HESX1: variants seen among roughly 807,000 people sequenced by gnomAD.
HESX1 encodes homeobox expressed in ES cells 1.
HESX1 carries 11 observed loss-of-function variants against 22.5 expected under a neutral mutation model. The observed-to-expected ratio is 0.49, with a 90% CI of 0.31 to 0.81. The LOEUF (loss-of-function observed/expected upper bound fraction) is 0.81. Among genes scored for constraint, HESX1 ranks in the 30% least tolerant of loss-of-function variants. The pLI is 0.05. For missense variants in HESX1, 201 were observed against 212.6 expected (o/e 0.95, Z 0.34); for synonymous variants, 74 against 76.5 (o/e 0.97, Z 0.17).
At chr3:57,206,049 G>T (rs2060517981) in intron 1 of HESX1, among the ~76,000 whole-genome samples, 1 of 152,138 alleles carries the variant, frequency 6.6e-6, no homozygotes, top group Admixed American at 6.5e-5. Context: ...AAATTAGCTG[G>T]GTGTGGTGGC....
intron 1 of HESX1, among the ~76,000 whole-genome samples, chr3:57,207,341 T>G (rs936141706): frequency 6.6e-6 from 1 of 152,180 alleles, no homozygotes; most frequent in East Asian, 1.9e-4. Context: ...CTCTGAGATG[T>G]GAGTAGAAAC....
chr3:57,210,177 A>C (rs1029507371), intron 1 of HESX1, among the ~76,000 whole-genome samples: 2 of 152,242 alleles, frequency 1.3e-5, no homozygotes, highest in East Asian at 1.9e-4. Context: ...ATGAGAAAGA[A>C]AAGTCTGACA....
At chr3:57,201,875 A>ATCTATCTATC (rs796249286), upstream of HESX1, among the ~76,000 whole-genome samples, 73 of 131,928 alleles carry the variant, frequency 5.5e-4, no homozygotes, top group East Asian at 1.7e-3. Context: ...CTATCTATCT[A>ATCTATCTATC]TATCTATCTA....
chr3:57,210,406 G>C (rs879717067), intron 1 of HESX1, among the ~76,000 whole-genome samples: 1 of 152,078 alleles, frequency 6.6e-6, no homozygotes, highest in Admixed American at 6.6e-5. Context: ...CTAGGTCTGA[G>C]GTGTTTTGGC....
At chr3:57,214,690 A>G (rs1268180856) in intron 1 of HESX1, among the ~76,000 whole-genome samples, 1 of 152,220 alleles carries the variant, frequency 6.6e-6, no homozygotes, top group Non-Finnish European at 1.5e-5. Context: ...GCTGTTATCA[A>G]TGTTATTATA....
At chr3:57,219,468 C>T (rs569589034) in intron 1 of HESX1, among the ~76,000 whole-genome samples, 4 of 151,950 alleles carry the variant, frequency 2.6e-5, no homozygotes, top group South Asian at 2.1e-4. Flanking sequence ...CCCAGATTCA[C>T]GCCATTCTCC....
intron 1 of HESX1, among the ~76,000 whole-genome samples, chr3:57,220,005 T>C (rs898760255): frequency 1.3e-5 from 2 of 152,248 alleles, no homozygotes; most frequent in Non-Finnish European, 2.9e-5. Flanking sequence ...CCATCTTTAA[T>C]TGATTTTTGT....
At chr3:57,208,248 A>C (rs1462558438) in intron 1 of HESX1, among the ~76,000 whole-genome samples, 1 of 152,202 alleles carries the variant, frequency 6.6e-6, no homozygotes, top group Admixed American at 6.5e-5. Context: ...TTTGTTCACT[A>C]TATGCAAAAT....
chr3:57,202,684 A>G (rs1443372844), upstream of HESX1, among the ~76,000 whole-genome samples: 1 of 152,224 alleles, frequency 6.6e-6, no homozygotes, highest in African/African-American at 2.4e-5. Context: ...AGACATTATT[A>G]TAGGTGCTAG....
At chr3:57,208,310 TAA>T (rs2107574770) in intron 1 of HESX1, among the ~76,000 whole-genome samples, 1 of 152,050 alleles carries the variant, frequency 6.6e-6, no homozygotes, top group East Asian at 2.0e-4. Context: ...TTATGTATGC[TAA>T]AGAGTTTAAG....
chr3:57,201,957 C>T (rs1178792951), upstream of HESX1, among the ~76,000 whole-genome samples: 7 of 151,944 alleles, frequency 4.6e-5, no homozygotes, highest in Admixed American at 2.0e-4. Flanking sequence ...CTTGCTCTGT[C>T]GCCCAGGCTG....
upstream of HESX1, among the ~76,000 whole-genome samples, chr3:57,204,116 C>A (rs1446453047): frequency 1.3e-5 from 2 of 152,224 alleles, no homozygotes; most frequent in Admixed American, 6.5e-5. Flanking sequence ...CAAATACCAA[C>A]TGACCTGCAG....
At chr3:57,202,739 T>C (rs1452146687), upstream of HESX1, among the ~76,000 whole-genome samples, 1 of 152,110 alleles carries the variant, frequency 6.6e-6, no homozygotes, top group Non-Finnish European at 1.5e-5. Flanking sequence ...GCATGATAAA[T>C]ACATTGAAAG....
upstream of HESX1, among the ~76,000 whole-genome samples, chr3:57,203,158 G>T (rs1359467311): frequency 6.6e-6 from 1 of 152,184 alleles, no homozygotes; most frequent in African/African-American, 2.4e-5. Flanking sequence ...TGTGGAAAGG[G>T]ATTAGAGAGA....
chr3:57,205,788 A>G (rs1465996045), intron 1 of HESX1, among the ~76,000 whole-genome samples: 4 of 151,974 alleles, frequency 2.6e-5, no homozygotes, highest in African/African-American at 9.7e-5. Context: ...TTTCTATTCC[A>G]CAGCACTTAA....
upstream of HESX1, among the ~76,000 whole-genome samples, chr3:57,226,798 A>G (rs1579372802): frequency 6.6e-6 from 1 of 152,342 alleles, no homozygotes; most frequent in East Asian, 1.9e-4. Flanking sequence ...TTTAGAAGAC[A>G]CTACTTACTT....
upstream of HESX1, among the ~76,000 whole-genome samples, chr3:57,200,230 A>G (rs1319073768): frequency 1.3e-5 from 2 of 152,260 alleles, no homozygotes; most frequent in East Asian, 3.8e-4. Flanking sequence ...AACTTTCTCT[A>G]AAGAAGTGAT....
chr3:57,218,513 A>T lies in HESX1; in HGVS notation c.-111+7783T>A, dbSNP rs181217988. Among the ~76,000 whole-genome samples, 490 of 141,010 alleles carry T rather than the reference A, an allele frequency of 3.5e-3. 2 individuals are homozygous for T. The highest frequency in any genetic ancestry group is 3.4e-3 in the Admixed American group (43 of 12,580). 92.5% of individuals were successfully genotyped at this position (141,010 alleles called of 152,430 possible). On this transcript the variant is annotated intron_variant, in intron 1 of 2. Coordinates refer to the HESX1 transcript ENST00000495160. ...GGCTGGAGTGCAGTAGCGTGACCTC[A>T]GCTCACTGCAACCTCTGCCTCCCGG...
chr3:57,221,841 G>A (rs9854291), intron 1 of HESX1, among the ~76,000 whole-genome samples: 10,739 of 152,120 alleles, frequency 0.071, 1,270 homozygotes, highest in African/African-American at 0.24. Flanking sequence ...TCCTGATCTC[G>A]TGATCCACCC....
Sources: gnomAD v4.1 joint callset for allele counts (sites outside exome capture counted in the v4.1 genomes callset) on GRCh38, gnomAD v4.1.1 for gene constraint, MANE v1.5 for transcripts, NCBI Gene and HGNC (gene_info 2026-07-23, HGNC 2026-07-21) for gene names.